The following CAMK1D variants were observed in gnomAD, a reference collection of about 807,000 sequenced individuals.
CAMK1D encodes the protein calcium/calmodulin dependent protein kinase ID.
Under a neutral mutation model 47.7 loss-of-function variants are expected in CAMK1D, and 9 were observed. The observed-to-expected ratio is 0.19, with a 90% confidence interval of 0.11 to 0.33. CAMK1D has a LOEUF of 0.33. Among genes scored for constraint, CAMK1D ranks in the 10% least tolerant of loss-of-function variants. The pLI is 1.00. For missense variants in CAMK1D, 291 were observed against 488.7 expected, an observed-to-expected ratio of 0.60 and a Z score of 3.81; for synonymous variants, 184 against 184.9, an observed-to-expected ratio of 0.99 and a Z score of 0.04.
intron 3 of CAMK1D, among the ~76,000 whole-genome samples, chr10:12,724,737 C>T (rs1282584831): frequency 6.6e-6 from 1 of 152,128 alleles, no homozygotes; most frequent in Non-Finnish European, 1.5e-5. Context: ...AAATAAAGCC[C>T]AGCTCAGGGC....
chr10:12,584,447 A>G (rs1208177099), intron 2 of CAMK1D, among the ~76,000 whole-genome samples: 1 of 152,138 alleles, frequency 6.6e-6, no homozygotes, highest in Non-Finnish European at 1.5e-5. Context: ...TGCTGTGCAT[A>G]TTTTTTCTCA....
At chr10:12,738,396 T>C (rs1195203758) in intron 3 of CAMK1D, among the ~76,000 whole-genome samples, 2 of 152,234 alleles carry the variant, frequency 1.3e-5, no homozygotes, top group East Asian at 1.9e-4. Context: ...GTGAGCTCTT[T>C]CCTGTCGTCG....
intron 1 of CAMK1D, among the ~76,000 whole-genome samples, chr10:12,390,137 C>T (rs780715126): frequency 3.3e-5 from 5 of 152,196 alleles, no homozygotes; most frequent in Admixed American, 6.5e-5. Context: ...AGCGCTTGTA[C>T]TGCACGGTGT....
chr10:12,427,727 A>G (rs202177509), intron 1 of CAMK1D, among the ~76,000 whole-genome samples: 2 of 5,744 alleles, frequency 3.5e-4, no homozygotes, highest in Non-Finnish European at 5.4e-4. Flanking sequence ...TTTTTTTTTG[A>G]GACGGAGTCT....
chr10:12,462,307 G>A (rs919487492), intron 1 of CAMK1D, among the ~76,000 whole-genome samples: 3 of 151,256 alleles, frequency 2.0e-5, no homozygotes, highest in Admixed American at 6.6e-5. Flanking sequence ...CTGGGACTAC[G>A]GGCACGCGCC....
chr10:12,537,555 TA>T (rs1403485644), intron 1 of CAMK1D, among the ~76,000 whole-genome samples: 1 of 152,228 alleles, frequency 6.6e-6, no homozygotes, highest in Non-Finnish European at 1.5e-5. Context: ...TTGCGACTGC[TA>T]GTGAGTGTTG....
intron 1 of CAMK1D, among the ~76,000 whole-genome samples, chr10:12,392,158 C>T (rs531219484): frequency 3.5e-4 from 53 of 152,088 alleles, no homozygotes; most frequent in African/African-American, 9.2e-4. Context: ...CAAAATTAGC[C>T]GGGTGCAGTG....
chr10:12,349,755 CGCGCCCCCG>C lies in CAMK1D; in HGVS notation c.-55_-47del. On this transcript the variant is annotated 5_prime_UTR_variant, in exon 1 of 11. Coordinates refer to ENST00000619168, the MANE Select transcript of CAMK1D (RefSeq NM_153498.4). ...ATCCCCGCCGCCTCTGCGCCCGCGC[CGCGCCCCCG>C]GCGCCCCCTCCCCAGCGCGCCCCCG... 1 of 670,336 alleles carries C rather than the reference CGCGCCCCCG, an allele frequency of 1.5e-6. No homozygotes were observed. 41.5% of individuals were successfully genotyped at this position (670,336 alleles called of 1,614,324 possible).
chr10:12,488,639 C>T (rs1564369125), intron 1 of CAMK1D, among the ~76,000 whole-genome samples: 1 of 152,254 alleles, frequency 6.6e-6, no homozygotes, highest in East Asian at 1.9e-4. Context: ...AACTCACCAT[C>T]ATGTAGAGCC....
chr10:12,819,130 T>C (rs941387881), intron 8 of CAMK1D, among the ~76,000 whole-genome samples: 28 of 152,070 alleles, frequency 1.8e-4, no homozygotes, highest in African/African-American at 5.6e-4. Flanking sequence ...TCACCAAACA[T>C]TTTGGAAAAA....
intron 2 of CAMK1D, among the ~76,000 whole-genome samples, chr10:12,644,945 T>C (rs1476055377): frequency 1.3e-5 from 2 of 152,054 alleles, no homozygotes; most frequent in African/African-American, 2.4e-5. Context: ...TATACAGAAA[T>C]CTAAGTGGGT....
At chr10:12,662,651 C>CAAAAAAA (rs56807588) in intron 2 of CAMK1D, among the ~76,000 whole-genome samples, 3 of 140,434 alleles carry the variant, frequency 2.1e-5, no homozygotes, top group Non-Finnish European at 3.1e-5. Flanking sequence ...CACTCTGCCT[C>CAAAAAAA]AAAAAAAAAA....
At chr10:12,637,741 C>T (rs1588717867) in intron 2 of CAMK1D, among the ~76,000 whole-genome samples, 1 of 152,112 alleles carries the variant, frequency 6.6e-6, no homozygotes, top group African/African-American at 2.4e-5. Context: ...GGAGAGCATC[C>T]GTGACTCCTT....
At chr10:12,552,686 A>G (rs1260321726) in intron 1 of CAMK1D, among the ~76,000 whole-genome samples, 1 of 152,188 alleles carries the variant, frequency 6.6e-6, no homozygotes, top group Non-Finnish European at 1.5e-5. Context: ...CCACATCCGC[A>G]TGTCCCTTTG....
intron 3 of CAMK1D, among the ~76,000 whole-genome samples, chr10:12,684,111 T>C (rs1247505678): frequency 2.0e-5 from 3 of 152,216 alleles, no homozygotes; most frequent in Non-Finnish European, 4.4e-5. Context: ...ATACACTTGC[T>C]ACAGAGCCCA....
intron 1 of CAMK1D, among the ~76,000 whole-genome samples, chr10:12,400,092 C>T (rs1165114584): frequency 2.0e-5 from 3 of 152,072 alleles, no homozygotes; most frequent in Non-Finnish European, 2.9e-5. Flanking sequence ...TGATGTGACG[C>T]GATGGGATGT....
At chr10:12,368,189 A>G (rs1438839762) in intron 1 of CAMK1D, among the ~76,000 whole-genome samples, 3 of 127,888 alleles carry the variant, frequency 2.3e-5, no homozygotes, top group African/African-American at 8.8e-5. Context: ...ACAGAGCGAG[A>G]CTCCGTCTCA....
chr10:12,392,590 A>G (rs1051758289), intron 1 of CAMK1D, among the ~76,000 whole-genome samples: 10 of 152,232 alleles, frequency 6.6e-5, no homozygotes, highest in African/African-American at 2.4e-4. Flanking sequence ...AAATACGTAT[A>G]CACTGTGGAA....
intron 1 of CAMK1D, among the ~76,000 whole-genome samples, chr10:12,503,417 C>T (rs900753518): frequency 1.5e-5 from 1 of 67,756 alleles, no homozygotes; most frequent in Admixed American, 1.5e-4. Flanking sequence ...GCGTGTGTCA[C>T]AGCTGTCTGG....
Sources: allele counts gnomAD v4.1 joint callset (sites outside exome capture counted in the v4.1 genomes callset), GRCh38; gene constraint gnomAD v4.1.1; transcripts MANE v1.5; gene names NCBI Gene and HGNC (gene_info 2026-07-23, HGNC 2026-07-21).